INSYN2B: variants seen among roughly 807,000 people sequenced by gnomAD.
The protein encoded by INSYN2B is inhibitory synaptic factor family member 2B, also known as protein INSYN2B.
In INSYN2B, 16 loss-of-function variants were observed where a neutral mutation model predicts 41.2. The ratio of observed to expected loss-of-function variants is 0.39; its 90% confidence interval spans 0.26 to 0.59. INSYN2B has a LOEUF of 0.59. Ranked by LOEUF, INSYN2B falls within the 20% of genes least tolerant of loss-of-function variation. The pLI is 0.57. For missense variants in INSYN2B, 608 were observed against 646.4 expected, an observed-to-expected ratio of 0.94 and a Z score of 0.64; for synonymous variants, 245 against 244.4, an observed-to-expected ratio of 1.00 and a Z score of -0.02.
intron 1 of INSYN2B, among the ~76,000 whole-genome samples, chr5:169,903,707 G>C (rs989024592): frequency 6.6e-6 from 1 of 152,128 alleles, no homozygotes; most frequent in African/African-American, 2.4e-5. Flanking sequence ...GGCAGGGGGA[G>C]AAAAGAAGTA....
At chr5:169,870,146 A>C (rs1300875984) in intron 3 of INSYN2B, among the ~76,000 whole-genome samples, 1 of 152,186 alleles carries the variant, frequency 6.6e-6, no homozygotes, top group African/African-American at 2.4e-5. Context: ...AGAGCCCTTC[A>C]CATCCAAGGA....
rs1771851664 is a variant in INSYN2B at position 169,869,990 on chromosome 5, TAAG to T, written c.1422-5534_1422-5532del. Reference sequence around the variant, plus strand: ...CTTACAGTGGAGGGCAAATAGTAGTTAAGAAATTGTTACAATGCAAAATTCCGG... The same window carrying T: ...CTTACAGTGGAGGGCAAATAGTAGTTAAATTGTTACAATGCAAAATTCCGG... On this transcript the variant is annotated intron_variant, in intron 3 of 3. Coordinates refer to ENST00000377365, the MANE Select transcript of INSYN2B (RefSeq NM_001129891.3). 2.0e-5 allele frequency among the ~76,000 whole-genome samples: 3 copies of T among 152,270 alleles called. No homozygotes were observed. In the South Asian group the frequency reaches 6.2e-4, roughly 32 times the overall value.
intron 1 of INSYN2B, among the ~76,000 whole-genome samples, chr5:169,900,457 G>A (rs1773858835): frequency 6.6e-6 from 1 of 152,190 alleles, no homozygotes; most frequent in African/African-American, 2.4e-5. Context: ...AATGTCAGGA[G>A]AAGACTGGCT....
At position 169,937,138 on chromosome 5, in the gene INSYN2B, G is replaced by A. The variant is rs377207538; in HGVS notation, c.-919+43139C>T. On this transcript the variant is annotated intron_variant, in intron 1 of 3. Coordinates refer to ENST00000377365, the MANE Select transcript of INSYN2B (RefSeq NM_001129891.3). ...GTTTTTGTAAATAAAGTTTTACTGCGGCACAGATATGCTTATTTCTTTGTA... is the reference window on the plus strand; with the variant it reads ...GTTTTTGTAAATAAAGTTTTACTGCAGCACAGATATGCTTATTTCTTTGTA... Among the ~76,000 whole-genome samples the A allele has an allele frequency of 3.0e-4, 46 of 152,274 alleles. 1 individual carries two copies. In the South Asian group the frequency reaches 3.1e-3, roughly 10 times the overall value.
In INSYN2B at chr5:169,950,789, T is replaced by A. The variant is rs1776633627; in HGVS notation, c.-919+29488A>T. ...GGACCAGATTCTGTCCCCAGCTCTA[T>A]GTGATGAACCACCAGCTTCAGCAGC... On this transcript the variant is annotated intron_variant, in intron 1 of 3. Coordinates refer to ENST00000377365, the MANE Select transcript of INSYN2B (RefSeq NM_001129891.3). Among the ~76,000 whole-genome samples the A allele has an allele frequency of 2.0e-5, 3 of 152,354 alleles. No individual in the cohort carries two copies. In the South Asian group the frequency reaches 6.2e-4, roughly 32 times the overall value.
At chr5:169,886,214 C>T (rs1021440013) in intron 1 of INSYN2B, among the ~76,000 whole-genome samples, 7 of 152,148 alleles carry the variant, frequency 4.6e-5, no homozygotes, top group Admixed American at 6.5e-5. Flanking sequence ...ACAGAATGAG[C>T]AGAGTTTCAT....
chr5:169,960,244 C>G (rs1458507605), intron 1 of INSYN2B, among the ~76,000 whole-genome samples: 2 of 152,160 alleles, frequency 1.3e-5, no homozygotes, highest in Non-Finnish European at 2.9e-5. Flanking sequence ...GTATGCCTTC[C>G]ATGTCAAAAG....
Position 169,883,574 on chromosome 5 carries a change from C to G in INSYN2B, c.325G>C (p.Val109Leu). 1.3e-6 allele frequency: 2 copies of G among 1,551,636 alleles called. No individual in the cohort carries two copies. The highest frequency in any genetic ancestry group is 1.7e-6 in the Non-Finnish European group (2 of 1,146,964). ...TSPSLRKHFP[V>L]FKRKRLTASK... Reference sequence around the variant, plus strand: ...GCTGTGAGTCTCTTCCTTTTGAAAACTGGGAAATGCTTCCTGAGACTGGGG... The same window carrying G: ...GCTGTGAGTCTCTTCCTTTTGAAAAGTGGGAAATGCTTCCTGAGACTGGGG... Residue 109 changes from valine to leucine, a missense_variant, in exon 2 of 4, where the codon GTT becomes CTT. Transcript: ENST00000377365.
intron 1 of INSYN2B, among the ~76,000 whole-genome samples, chr5:169,971,750 ATGGCATCC>A (rs1777516746): frequency 6.6e-6 from 1 of 152,256 alleles, no homozygotes; most frequent in South Asian, 2.1e-4. Context: ...AGGTGCCTGC[ATGGCATCC>A]TATTACCTAC....
rs566044487 is a variant in INSYN2B, at chr5:169,927,916, C to T, written c.-918-43100G>A. Among the ~76,000 whole-genome samples the T allele has an allele frequency of 1.3e-3, 204 of 152,192 alleles. 2 individuals are homozygous for T. The South Asian group carries it at 0.041, about 31-fold the overall frequency. ...CAGGCATGAGACACTGCTCCCGGCCCGAAAAATTCTTTATTCAGGGCTGGA... is the reference window on the plus strand; with the variant it reads ...CAGGCATGAGACACTGCTCCCGGCCTGAAAAATTCTTTATTCAGGGCTGGA... On this transcript the variant is annotated intron_variant, in intron 1 of 3. Transcript: ENST00000377365.
chr5:169,889,531 T>C (rs774222099), intron 1 of INSYN2B, among the ~76,000 whole-genome samples: 1 of 152,178 alleles, frequency 6.6e-6, no homozygotes, highest in Non-Finnish European at 1.5e-5. Context: ...TAGAGGAAGG[T>C]ATCTGATTCA....
At chr5:169,917,777 CCA>C (rs1473192898) in intron 1 of INSYN2B, among the ~76,000 whole-genome samples, 3 of 152,104 alleles carry the variant, frequency 2.0e-5, no homozygotes, top group Non-Finnish European at 2.9e-5. Context: ...TCTGGCCCTA[CCA>C]CACAGAAAAT....
At chr5:169,921,874 A>G (rs531098939) in intron 1 of INSYN2B, among the ~76,000 whole-genome samples, 15 of 152,228 alleles carry the variant, frequency 9.9e-5, no homozygotes, top group African/African-American at 3.6e-4. Flanking sequence ...CCTTTTACTG[A>G]AGGAACATAG....
chr5:169,912,509 A>G (rs543730895), intron 1 of INSYN2B, among the ~76,000 whole-genome samples: 1 of 152,214 alleles, frequency 6.6e-6, no homozygotes, highest in Non-Finnish European at 1.5e-5. Context: ...TTATTGAGAC[A>G]TCAGCATTCT....
chr5:169,870,123 C>T (rs962121798), intron 3 of INSYN2B, among the ~76,000 whole-genome samples: 9 of 152,252 alleles, frequency 5.9e-5, no homozygotes, highest in Middle Eastern at 3.4e-3. Context: ...CAGTTAACTG[C>T]CTGAGGTGCC....
intron 1 of INSYN2B, among the ~76,000 whole-genome samples, chr5:169,916,321 T>A (rs924961593): frequency 7.2e-5 from 11 of 152,206 alleles, no homozygotes; most frequent in African/African-American, 2.7e-4. Context: ...CATGCATGGA[T>A]CTAAGGAACC....
intron 1 of INSYN2B, among the ~76,000 whole-genome samples, chr5:169,894,468 C>T (rs1175226548): frequency 6.6e-6 from 1 of 152,134 alleles, no homozygotes; most frequent in Non-Finnish European, 1.5e-5. Context: ...CGCCATCCAC[C>T]CTGGTACAGC....
intron 1 of INSYN2B, among the ~76,000 whole-genome samples, chr5:169,904,989 A>C (rs1192594197): frequency 2.6e-5 from 4 of 152,162 alleles, no homozygotes; most frequent in African/African-American, 9.7e-5. Flanking sequence ...TAAGCAACTG[A>C]ACCTCCCTGA....
chr5:169,924,803 C>A lies in INSYN2B; in HGVS notation c.-918-39987G>T, dbSNP rs567214171. On this transcript the variant is annotated intron_variant, in intron 1 of 3. Transcript: ENST00000377365. ...CATCAATCTGAAGTATCCTGGGACG[C>A]TCTTTGGCCTGGCACATGGGTAGGT... 1.8e-4 allele frequency among the ~76,000 whole-genome samples: 28 copies of A among 152,226 alleles called. 1 individual carries two copies. The highest frequency in any genetic ancestry group is 6.7e-4 in the African/African-American group (28 of 41,526).
Sources: allele counts gnomAD v4.1 joint callset (sites outside exome capture counted in the v4.1 genomes callset), GRCh38; gene constraint gnomAD v4.1.1; transcripts MANE v1.5; gene names NCBI Gene and HGNC (gene_info 2026-07-23, HGNC 2026-07-21).